ATG14: variants seen among roughly 807,000 people sequenced by gnomAD.
The protein encoded by ATG14 is beclin 1-associated autophagy-related key regulator.
A neutral mutation model predicts 60.4 loss-of-function variants in ATG14; 35 were observed. The observed-to-expected ratio is 0.58, with a 90% confidence interval of 0.44 to 0.77. The LOEUF is 0.77. Ranked by LOEUF, ATG14 falls within the 30% of genes least tolerant of loss-of-function variation. The pLI is 0.00. For synonymous variants in ATG14, 234 were observed against 228.8 expected, an observed-to-expected ratio of 1.02 and a Z score of -0.21; for missense variants, 647 against 626.3, an observed-to-expected ratio of 1.03 and a Z score of -0.35.
Position 55,395,765 on chromosome 14 carries a change from C to T in ATG14, c.327+175G>A, listed in dbSNP as rs189325946. ...TTACAATGGCTCCATAATTAATTGC[C>T]GATACCCCATTTTTGGTAACTAGAT... On this transcript the variant is annotated intron_variant, in intron 3 of 9. Coordinates refer to ENST00000247178, the MANE Select transcript of ATG14 (RefSeq NM_014924.5). 1.5e-3 allele frequency among the ~76,000 whole-genome samples: 226 copies of T among 152,242 alleles called. 2 individuals are homozygous for T. The highest frequency in any genetic ancestry group is 5.4e-3 in the Admixed American group (83 of 15,296).
intron 1 of ATG14, among the ~76,000 whole-genome samples, chr14:55,404,280 A>G (rs1885454743): frequency 6.6e-6 from 1 of 152,226 alleles, no homozygotes; most frequent in African/African-American, 2.4e-5. Flanking sequence ...TACTAAAAAG[A>G]CACTCACTGA....
chr14:55,401,609 T>G (rs1023410823), intron 1 of ATG14, among the ~76,000 whole-genome samples: 1 of 152,240 alleles, frequency 6.6e-6, no homozygotes, highest in Non-Finnish European at 1.5e-5. Context: ...AAATGAACTT[T>G]GTTGTTTCAT....
At position 55,380,578 on chromosome 14, in the gene ATG14, G is replaced by A; in HGVS notation, c.990C>T (p.Cys330=). The A allele has an allele frequency of 6.2e-7, 1 of 1,600,342 alleles. No homozygotes were observed. The highest frequency in any genetic ancestry group is 8.6e-7 in the Non-Finnish European group (1 of 1,169,406). The part of the protein sequence containing the change: ...ILDVNLPKKL[C]NSEFCGENLS... ...TACCACCTTCAATTACTTGCCTGTTGCAGAGCTTTTTGGGAAGATTTACAT... is the reference window on the plus strand; with the variant it reads ...TACCACCTTCAATTACTTGCCTGTTACAGAGCTTTTTGGGAAGATTTACAT... The change falls in exon 7 of 10, where the codon TGC becomes TGT. Residue 330 remains cysteine, a synonymous_variant. Coordinates refer to ENST00000247178, the MANE Select transcript of ATG14 (RefSeq NM_014924.5).
chr14:55,403,616 A>G (rs573432173), intron 1 of ATG14, among the ~76,000 whole-genome samples: 1 of 152,330 alleles, frequency 6.6e-6, no homozygotes, highest in African/African-American at 2.4e-5. Context: ...ACAGCTGTAA[A>G]AGGAATAATA....
intron 1 of ATG14, among the ~76,000 whole-genome samples, chr14:55,410,064 T>G (rs1261195086): frequency 1.3e-5 from 2 of 151,862 alleles, no homozygotes; most frequent in Non-Finnish European, 2.9e-5. Flanking sequence ...AAGAGAGGAG[T>G]CAAGGAGAAC....
chr14:55,383,571 A>T (rs1461271551), intron 5 of ATG14, among the ~76,000 whole-genome samples: 2 of 149,206 alleles, frequency 1.3e-5, no homozygotes, highest in Non-Finnish European at 3.0e-5. Context: ...AAAAAAACAA[A>T]ACAACAACAA....
At chr14:55,390,803 C>T in intron 4 of ATG14, 108 bp downstream of exon 4, 1 of 719,590 alleles carries the variant, frequency 1.4e-6, no homozygotes, top group East Asian at 3.0e-5. Flanking sequence ...CTCCAAGTTG[C>T]CACTGCCCCA....
chr14:55,376,998 A>C (rs987437992), intron 9 of ATG14, among the ~76,000 whole-genome samples: 1 of 152,148 alleles, frequency 6.6e-6, no homozygotes, highest in Non-Finnish European at 1.5e-5. Flanking sequence ...TTCATCCCCT[A>C]CACCTCTAAT....
At chr14:55,393,253 T>C (rs113175126) in intron 3 of ATG14, among the ~76,000 whole-genome samples, 3,871 of 151,790 alleles carry the variant, frequency 0.026, 68 homozygotes, top group Admixed American at 0.058. Context: ...GGCGTGGTGG[T>C]GGGCGCCTGT....
At chr14:55,378,459 A>G (rs1447028668) in intron 7 of ATG14, among the ~76,000 whole-genome samples, 1 of 152,232 alleles carries the variant, frequency 6.6e-6, no homozygotes, top group Non-Finnish European at 1.5e-5. Context: ...ATGGCAGTCA[A>G]AGGCTTATAA....
intron 7 of ATG14, among the ~76,000 whole-genome samples, chr14:55,379,337 A>AC (rs1479607828): frequency 1.3e-5 from 2 of 151,896 alleles, no homozygotes; most frequent in Non-Finnish European, 2.9e-5. Flanking sequence ...GGAGTTCAAG[A>AC]CCAGCCTGGG....
Position 55,380,706 on chromosome 14 carries a change from AACC to A in ATG14, c.878-19_878-17del. The A allele has an allele frequency of 1.3e-6, 2 of 1,539,362 alleles. No individual in the cohort carries two copies. The highest frequency in any genetic ancestry group is 1.2e-5 in the South Asian group (1 of 84,292). ...TGCTCCATGTCTGCAGTAAGAAAAC[AACC>A]ACCATGTACAAAACCTTAATTCCAA... On this transcript the variant is annotated splice_polypyrimidine_tract_variant and intron_variant, in intron 6 of 9. Transcript: ENST00000247178.
Position 55,369,345 on chromosome 14 carries a change from T to C in ATG14, c.*274A>G. 3.8e-6 allele frequency: 1 copy of C among 264,182 alleles called. No individual in the cohort carries two copies. Among genetic ancestry groups the C allele is most frequent in the Non-Finnish European group, 7.1e-6 (1 of 141,338 alleles). 16.4% of individuals were successfully genotyped at this position (264,182 alleles called of 1,614,324 possible). ...AAATCAACTGCTTCCTTGGCAGAAC[T>C]GGCCACACGCACAGGTCCTCCTTCC... On this transcript the variant is annotated 3_prime_UTR_variant, in exon 10 of 10. Transcript: ENST00000247178.
intron 1 of ATG14, among the ~76,000 whole-genome samples, chr14:55,398,866 A>G (rs1381674147): frequency 6.6e-6 from 1 of 152,052 alleles, no homozygotes; most frequent in Admixed American, 6.6e-5. Context: ...AAAAAAAAAA[A>G]TTGTATGACT....
intron 1 of ATG14, among the ~76,000 whole-genome samples, chr14:55,406,589 T>C (rs966840913): frequency 6.6e-6 from 1 of 152,220 alleles, no homozygotes; most frequent in Non-Finnish European, 1.5e-5. Context: ...CCAGAAAATT[T>C]TGTGCACATA....
intron 5 of ATG14, among the ~76,000 whole-genome samples, chr14:55,384,648 G>T (rs888579373): frequency 3.3e-5 from 5 of 152,194 alleles, no homozygotes; most frequent in Non-Finnish European, 7.3e-5. Flanking sequence ...AGTCTTTTTG[G>T]TTTTTAGGAA....
At chr14:55,399,347 C>T (rs1033421335) in intron 1 of ATG14, among the ~76,000 whole-genome samples, 15 of 152,158 alleles carry the variant, frequency 9.9e-5, no homozygotes, top group African/African-American at 3.1e-4. Context: ...TATGACTTAC[C>T]GGATGGTGTA....
At chr14:55,397,082 C>T (rs1364345322) in intron 2 of ATG14, among the ~76,000 whole-genome samples, 1 of 152,228 alleles carries the variant, frequency 6.6e-6, no homozygotes, top group Non-Finnish European at 1.5e-5. Flanking sequence ...TTTAAGTCTA[C>T]TAATCATGCT....
chr14:55,381,748 A>G (rs80089534), intron 6 of ATG14, among the ~76,000 whole-genome samples: 8,855 of 152,180 alleles, frequency 0.058, 323 homozygotes, highest in South Asian at 0.089. Flanking sequence ...GCTGAGGGGA[A>G]GGGAGAGTGG....
Sources: gnomAD v4.1 joint callset for allele counts (sites outside exome capture counted in the v4.1 genomes callset) on GRCh38, gnomAD v4.1.1 for gene constraint, MANE v1.5 for transcripts, NCBI Gene and HGNC (gene_info 2026-07-23, HGNC 2026-07-21) for gene names.